RASAL2: variants seen among roughly 807,000 people sequenced by gnomAD.
The protein encoded by RASAL2 is RAS protein activator like 2.
A neutral mutation model predicts 128.9 loss-of-function variants in RASAL2; 58 were observed. The observed-to-expected ratio is 0.45, with a 90% CI of 0.36 to 0.56. The LOEUF (loss-of-function observed/expected upper bound fraction) is 0.56, where lower values mean the gene tolerates loss of function less well. Ranked by LOEUF, RASAL2 falls within the 20% of genes least tolerant of loss-of-function variation. RASAL2 has a pLI of 0.00. For synonymous variants in RASAL2, 561 were observed against 580.8 expected (o/e 0.97, Z 0.49); for missense variants, 1,360 against 1,601.6 (o/e 0.85, Z 2.57).
At chr1:178,274,428 G>T (rs777142562) in intron 1 of RASAL2, among the ~76,000 whole-genome samples, 1 of 152,096 alleles carries the variant, frequency 6.6e-6, no homozygotes, top group Non-Finnish European at 1.5e-5. Context: ...TATAACAAAA[G>T]GAATGTGCAT....
At position 178,454,374 on chromosome 1, in the gene RASAL2, G is replaced by A. The variant is rs1048326459; in HGVS notation, c.2010-73G>A. 12 of 1,269,022 alleles carry A rather than the reference G, an allele frequency of 9.5e-6. No individual in the cohort carries two copies. In the African/African-American group the frequency reaches 1.6e-4, roughly 17 times the overall value. 78.6% of individuals were successfully genotyped at this position (1,269,022 alleles called of 1,614,324 possible). On this transcript the variant is annotated intron_variant, in intron 11 of 17. Transcript: ENST00000367649. Reference sequence around the variant, plus strand: ...CAAAATAAAAAAAAGTAATAGTTCTGTGTAATGTCAAATCAAAATGATCAT... The same window carrying A: ...CAAAATAAAAAAAAGTAATAGTTCTATGTAATGTCAAATCAAAATGATCAT...
At chr1:178,342,659 A>G (rs1369634546) in intron 3 of RASAL2, among the ~76,000 whole-genome samples, 1 of 152,214 alleles carries the variant, frequency 6.6e-6, no homozygotes, top group Non-Finnish European at 1.5e-5. Context: ...AATTTTCTGT[A>G]TAAATATGTT....
At chr1:178,114,769 G>A (rs547671330) in intron 1 of RASAL2, among the ~76,000 whole-genome samples, 70 of 152,254 alleles carry the variant, frequency 4.6e-4, no homozygotes, top group South Asian at 2.3e-3. Flanking sequence ...TGATCCGCCC[G>A]CCTTGGCCTC....
At chr1:178,262,787 C>G (rs551660482) in intron 1 of RASAL2, among the ~76,000 whole-genome samples, 1 of 149,422 alleles carries the variant, frequency 6.7e-6, no homozygotes, top group Non-Finnish European at 1.5e-5. Flanking sequence ...CCCCCCTGCC[C>G]CCCACTCATT....
intron 4 of RASAL2, among the ~76,000 whole-genome samples, chr1:178,395,066 A>C (rs1673131103): frequency 6.6e-6 from 1 of 152,190 alleles, no homozygotes; most frequent in African/African-American, 2.4e-5. Context: ...AGAAAGCTTC[A>C]CGTCCACTAT....
chr1:178,158,141 A>G (rs573491885), intron 1 of RASAL2, among the ~76,000 whole-genome samples: 2 of 152,318 alleles, frequency 1.3e-5, no homozygotes, highest in African/African-American at 4.8e-5. Flanking sequence ...TTTATTCTCT[A>G]TTTAACTCAC....
At chr1:178,299,018 AT>A (rs989390341) in intron 2 of RASAL2, among the ~76,000 whole-genome samples, 10 of 151,558 alleles carry the variant, frequency 6.6e-5, no homozygotes, top group Middle Eastern at 3.4e-3. Context: ...AGTATTAGAG[AT>A]TTTTTTTTAC....
At chr1:178,259,997 T>C (rs1458119371) in intron 1 of RASAL2, among the ~76,000 whole-genome samples, 1 of 152,116 alleles carries the variant, frequency 6.6e-6, no homozygotes, top group Non-Finnish European at 1.5e-5. Flanking sequence ...CTAATGATCT[T>C]ACAAATGACC....
rs35870834 is a variant in RASAL2 at position 178,261,913 on chromosome 1, C to CA, written c.203-21635dup. On this transcript the variant is annotated intron_variant, in intron 1 of 17. Transcript: ENST00000367649. ...CCTGGGTGACAGAGTGAGACTGTCT[C>CA]AAAAAAAAAAAAAAAAGTGTTGATG... Among the ~76,000 whole-genome samples the CA allele has an allele frequency of 8.6e-3, 723 of 84,406 alleles. 6 individuals are homozygous for CA. Among genetic ancestry groups the CA allele is most frequent in the African/African-American group, 0.024 (502 of 20,918 alleles). 55.4% of individuals were successfully genotyped at this position (84,406 alleles called of 152,430 possible).
At chr1:178,399,015 A>C (rs756678518) in intron 4 of RASAL2, among the ~76,000 whole-genome samples, 1 of 152,186 alleles carries the variant, frequency 6.6e-6, no homozygotes, top group South Asian at 2.1e-4. Flanking sequence ...TGCCATCTCA[A>C]AGTTCTTAGT....
rs550817477 is a variant in RASAL2 at position 178,132,861 on chromosome 1, C to T, written c.202+38167C>T. Among the ~76,000 whole-genome samples, 9 of 150,756 alleles carry T rather than the reference C, an allele frequency of 6.0e-5. No individual in the cohort carries two copies. In the South Asian group the frequency reaches 8.4e-4, roughly 14 times the overall value. ...TTGGCTTACTGCAACCTCTGCCTCC[C>T]GGGTTCAAGCGATTCTCCTGCCTCA... On this transcript the variant is annotated intron_variant, in intron 1 of 17. Transcript: ENST00000367649.
At chr1:178,130,120 T>C (rs554304430) in intron 1 of RASAL2, among the ~76,000 whole-genome samples, 72 of 152,298 alleles carry the variant, frequency 4.7e-4, no homozygotes, top group African/African-American at 1.7e-3. Flanking sequence ...GCAGGGCAGT[T>C]TATAAAACAA....
intron 1 of RASAL2, among the ~76,000 whole-genome samples, chr1:178,199,273 C>T (rs2101963410): frequency 6.6e-6 from 1 of 152,314 alleles, no homozygotes; most frequent in South Asian, 2.1e-4. Context: ...TGAGGTGATG[C>T]CCCACCCTCC....
At chr1:178,409,102 A>G (rs1018349433) in intron 4 of RASAL2, among the ~76,000 whole-genome samples, 1 of 152,156 alleles carries the variant, frequency 6.6e-6, no homozygotes, top group African/African-American at 2.4e-5. Flanking sequence ...CAAGCGGGGA[A>G]CTGCCATACT....
At chr1:178,270,629 T>C (rs574305170) in intron 1 of RASAL2, among the ~76,000 whole-genome samples, 37 of 80,992 alleles carry the variant, frequency 4.6e-4, no homozygotes, top group African/African-American at 3.2e-3. Flanking sequence ...GTGTCTCTCT[T>C]TTTTTTTTTT....
intron 1 of RASAL2, among the ~76,000 whole-genome samples, chr1:178,177,477 T>C (rs1661934547): frequency 6.6e-6 from 1 of 152,124 alleles, no homozygotes; most frequent in Non-Finnish European, 1.5e-5. Context: ...AACAGACAAA[T>C]GCATAAATAT....
At chr1:178,215,680 T>C (rs1015914419) in intron 1 of RASAL2, among the ~76,000 whole-genome samples, 15 of 152,292 alleles carry the variant, frequency 9.8e-5, no homozygotes, top group African/African-American at 3.6e-4. Flanking sequence ...GCTCTACTCC[T>C]CTCCTCAGAA....
intron 3 of RASAL2, among the ~76,000 whole-genome samples, chr1:178,344,155 A>G (rs894748449): frequency 3.1e-4 from 47 of 152,162 alleles, no homozygotes; most frequent in African/African-American, 9.2e-4. Flanking sequence ...TGAACAATCT[A>G]TATATAAATA....
intron 1 of RASAL2, among the ~76,000 whole-genome samples, chr1:178,199,236 A>G (rs745630574): frequency 6.6e-6 from 1 of 152,206 alleles, no homozygotes; most frequent in Non-Finnish European, 1.5e-5. Context: ...GGAAAGGGAA[A>G]TCCCTCGACA....
Sources: allele counts gnomAD v4.1 joint callset (sites outside exome capture counted in the v4.1 genomes callset), GRCh38; gene constraint gnomAD v4.1.1; transcripts MANE v1.5; gene names NCBI Gene and HGNC (gene_info 2026-07-23, HGNC 2026-07-21).